MEOX2: variants seen among roughly 807,000 people sequenced by gnomAD.
MEOX2 encodes mesenchyme homeobox 2, also known as homeobox protein MOX-2.
Under a neutral mutation model 27.0 loss-of-function variants are expected in MEOX2, and 11 were observed. The observed-to-expected ratio is 0.41, with a 90% confidence interval of 0.26 to 0.68. The LOEUF (loss-of-function observed/expected upper bound fraction) is 0.68, where lower values mean the gene tolerates loss of function less well. MEOX2 is among the 30% of genes least tolerant of loss of function. The pLI is 0.33. For synonymous variants in MEOX2, 189 were observed against 155.4 expected (o/e 1.22, Z -1.61); for missense variants, 436 against 385.4 (o/e 1.13, Z -1.10).
At chr7:15,632,635 A>T (rs1583752498) in intron 1 of MEOX2, among the ~76,000 whole-genome samples, 1 of 152,084 alleles carries the variant, frequency 6.6e-6, no homozygotes, top group East Asian at 1.9e-4. Context: ...AGACACATAA[A>T]ATAGGAATAT....
chr7:15,667,089 A>G (rs1436571979), intron 1 of MEOX2, among the ~76,000 whole-genome samples: 2 of 151,202 alleles, frequency 1.3e-5, no homozygotes, highest in Non-Finnish European at 2.9e-5. Flanking sequence ...CAAGAGATCT[A>G]GACCATCCTG....
chr7:15,617,778 T>C lies in MEOX2; in HGVS notation c.691-5167A>G, dbSNP rs1020170706. Among the ~76,000 whole-genome samples the C allele has an allele frequency of 3.9e-5, 6 of 152,230 alleles. No homozygotes were observed. The South Asian group carries it at 8.3e-4, about 21-fold the overall frequency. On this transcript the variant is annotated intron_variant, in intron 2 of 2. Coordinates refer to ENST00000262041, the MANE Select transcript of MEOX2 (RefSeq NM_005924.5). ...ACTGATTTAGCACATTGGGAATCAT[T>C]TTCCTACCTCTGTAATTTTTAGTTC...
chr7:15,684,330 T>G (rs1008842749), intron 1 of MEOX2, among the ~76,000 whole-genome samples: 2 of 152,238 alleles, frequency 1.3e-5, no homozygotes, highest in African/African-American at 4.8e-5. Context: ...AAATCGACTG[T>G]TTTTCTAATA....
At chr7:15,619,934 A>G (rs1384768233) in intron 2 of MEOX2, among the ~76,000 whole-genome samples, 1 of 152,042 alleles carries the variant, frequency 6.6e-6, no homozygotes, top group Non-Finnish European at 1.5e-5. Flanking sequence ...CACCGAATAG[A>G]TCTTGCTTTA....
intron 1 of MEOX2, among the ~76,000 whole-genome samples, chr7:15,673,586 A>G (rs1349455930): frequency 7.3e-6 from 1 of 136,878 alleles, no homozygotes; most frequent in Non-Finnish European, 1.6e-5. Context: ...AATAGACATA[A>G]ACAAGTCTAT....
intron 1 of MEOX2, among the ~76,000 whole-genome samples, chr7:15,630,482 G>A (rs1583750513): frequency 6.6e-6 from 1 of 152,044 alleles, no homozygotes; most frequent in East Asian, 1.9e-4. Flanking sequence ...GCTACTCTGG[G>A]TAAACGTATT....
chr7:15,629,721 T>A (rs1473238475), intron 1 of MEOX2, among the ~76,000 whole-genome samples: 1 of 152,076 alleles, frequency 6.6e-6, no homozygotes, highest in Admixed American at 6.6e-5. Flanking sequence ...CTTCTTGGAA[T>A]TGCATTTCTG....
intron 1 of MEOX2, among the ~76,000 whole-genome samples, chr7:15,631,630 A>C (rs1781404194): frequency 6.6e-6 from 1 of 151,764 alleles, no homozygotes; most frequent in African/African-American, 2.4e-5. Flanking sequence ...TCATTCTTAA[A>C]ATGAGATTGA....
intron 1 of MEOX2, among the ~76,000 whole-genome samples, chr7:15,647,205 A>C (rs756708512): frequency 6.6e-6 from 1 of 152,076 alleles, no homozygotes; most frequent in Non-Finnish European, 1.5e-5. Context: ...TCTGTTGAGA[A>C]AAAGGTAATC....
chr7:15,676,498 T>C (rs1196982591), intron 1 of MEOX2, among the ~76,000 whole-genome samples: 1 of 152,162 alleles, frequency 6.6e-6, no homozygotes, highest in East Asian at 1.9e-4. Context: ...AAAATTTCAT[T>C]GTCATATTTG....
intron 1 of MEOX2, among the ~76,000 whole-genome samples, chr7:15,639,959 T>C (rs1038797557): frequency 1.3e-5 from 2 of 152,168 alleles, no homozygotes; most frequent in African/African-American, 4.8e-5. Context: ...GCTTTGGCTA[T>C]TTGAGCTCTC....
intron 1 of MEOX2, among the ~76,000 whole-genome samples, chr7:15,632,645 T>C (rs940871561): frequency 6.6e-6 from 1 of 151,928 alleles, no homozygotes; most frequent in Non-Finnish European, 1.5e-5. Context: ...AATAGGAATA[T>C]AATGCAATTT....
At chr7:15,685,689 A>G (rs916385802) in intron 1 of MEOX2, among the ~76,000 whole-genome samples, 197 bp downstream of exon 1, 3 of 152,174 alleles carry the variant, frequency 2.0e-5, no homozygotes, top group African/African-American at 4.8e-5. Flanking sequence ...CTGTATACGC[A>G]TTGCTCTCGA....
Position 15,657,070 on chromosome 7 carries a change from G to A in MEOX2, c.517+28816C>T, listed in dbSNP as rs114228383. On this transcript the variant is annotated intron_variant, in intron 1 of 2. Coordinates refer to ENST00000262041, the MANE Select transcript of MEOX2 (RefSeq NM_005924.5). ...TGAAATTTACTATCATTGAAAAATTGCTCTTCATTGGTATTGTTTCTCTTT... is the reference window on the plus strand; with the variant it reads ...TGAAATTTACTATCATTGAAAAATTACTCTTCATTGGTATTGTTTCTCTTT... Among the ~76,000 whole-genome samples the A allele has an allele frequency of 4.4e-3, 674 of 152,104 alleles. 6 individuals are homozygous for A. Among genetic ancestry groups the A allele is most frequent in the African/African-American group, 0.015 (639 of 41,510 alleles).
chr7:15,686,171 G>A lies in MEOX2; in HGVS notation c.232C>T (p.His78Tyr). The A allele has an allele frequency of 1.3e-6, 2 of 1,531,526 alleles. No homozygotes were observed. Among genetic ancestry groups the A allele is most frequent in the Non-Finnish European group, 1.7e-6 (2 of 1,147,500 alleles). The allele number at this position is 1,531,526 out of a possible 1,614,324, so 94.9% of individuals were successfully genotyped here. A position where few individuals can be genotyped will look rare whatever the true frequency, so the allele number is the denominator to read the frequency against. Residue 78 changes from histidine to tyrosine, a missense_variant, in exon 1 of 3, where the codon CAC becomes TAC. Coordinates refer to ENST00000262041, the MANE Select transcript of MEOX2 (RefSeq NM_005924.5). ...HHHHHHHHHH[H>Y]HHQQQQHQAL... ...TGGTGCTGCTGCTGCTGATGGTGGT[G>A]ATGGTGGTGGTGGTGGTGGTGGTGG...
chr7:15,614,276 G>T (rs1011075510), intron 2 of MEOX2, among the ~76,000 whole-genome samples: 1 of 150,786 alleles, frequency 6.6e-6, no homozygotes, highest in African/African-American at 2.4e-5. Flanking sequence ...AGGTGGGTGG[G>T]ATGGCATAGT....
chr7:15,681,474 G>C (rs908506729), intron 1 of MEOX2: 2 of 146,132 alleles, frequency 1.4e-5, no homozygotes, highest in Non-Finnish European at 3.0e-5. Context: ...CATTTCTTAA[G>C]TGCAAAAAAA....
At chr7:15,624,820 A>G (rs1347617437) in intron 2 of MEOX2, among the ~76,000 whole-genome samples, 1 of 152,224 alleles carries the variant, frequency 6.6e-6, no homozygotes, top group Non-Finnish European at 1.5e-5. Context: ...ACTAACACAA[A>G]ATGTTAAAAG....
intron 2 of MEOX2, among the ~76,000 whole-genome samples, chr7:15,624,054 A>G (rs1781259757): frequency 6.6e-6 from 1 of 152,254 alleles, no homozygotes; most frequent in South Asian, 2.1e-4. Flanking sequence ...AAATCTACAT[A>G]GAAGAAAGAG....
Sources: gnomAD v4.1 joint callset for allele counts (sites outside exome capture counted in the v4.1 genomes callset) on GRCh38, gnomAD v4.1.1 for gene constraint, MANE v1.5 for transcripts, NCBI Gene and HGNC (gene_info 2026-07-23, HGNC 2026-07-21) for gene names.